The following PDPN variants were observed in gnomAD, a reference collection of about 807,000 sequenced individuals.
The protein encoded by PDPN is podoplanin.
In PDPN, 12 loss-of-function variants were observed where a neutral mutation model predicts 23.2. The observed-to-expected ratio is 0.52, with a 90% CI of 0.33 to 0.84. The LOEUF is 0.84. Ranked by LOEUF, PDPN falls within the 40% of genes least tolerant of loss-of-function variation. PDPN has a pLI of 0.02. For missense variants in PDPN, 199 were observed against 212.2 expected, an observed-to-expected ratio of 0.94 and a Z score of 0.39; for synonymous variants, 77 against 76.7, an observed-to-expected ratio of 1.00 and a Z score of -0.02.
At position 13,606,171 on chromosome 1, in the gene PDPN, G is replaced by A. The variant is rs1441503119; in HGVS notation, c.68-1002G>A. ...CACCAGGCTAATTTTTGTATTTTTA[G>A]TAGAGACAGAGTTTCACCGTGTTGG... On this transcript the variant is annotated intron_variant, in intron 1 of 5. Transcript: ENST00000621990. Among the ~76,000 whole-genome samples, 3 of 152,066 alleles carry A rather than the reference G, an allele frequency of 2.0e-5. No individual in the cohort carries two copies. The East Asian group carries it at 5.8e-4, about 29-fold the overall frequency.
intron 1 of PDPN, among the ~76,000 whole-genome samples, chr1:13,598,643 C>T (rs915833966): frequency 6.6e-6 from 1 of 152,052 alleles, no homozygotes; most frequent in African/African-American, 2.4e-5. Flanking sequence ...TTCTACCGAA[C>T]CACCGCTCCA....
At chr1:13,603,244 G>A (rs542600400) in intron 1 of PDPN, among the ~76,000 whole-genome samples, 12 of 152,118 alleles carry the variant, frequency 7.9e-5, no homozygotes, top group South Asian at 2.1e-4. Context: ...TTAGCTGGGC[G>A]TGGTGGTGCA....
intron 1 of PDPN, among the ~76,000 whole-genome samples, chr1:13,591,033 C>T (rs979103097): frequency 6.6e-6 from 1 of 151,966 alleles, no homozygotes; most frequent in Admixed American, 6.6e-5. Flanking sequence ...CCTCTGCCTC[C>T]CGGGTTCAAG....
At chr1:13,584,502 C>T (rs897940916) in intron 1 of PDPN, among the ~76,000 whole-genome samples, 3 of 152,222 alleles carry the variant, frequency 2.0e-5, no homozygotes, top group Non-Finnish European at 4.4e-5. Context: ...AAGCTGGCCT[C>T]GTAGAATCAG....
intron 1 of PDPN, among the ~76,000 whole-genome samples, chr1:13,606,541 A>G (rs559416370): frequency 6.6e-6 from 1 of 152,032 alleles, no homozygotes; most frequent in South Asian, 2.1e-4. Context: ...GGTGGTGAGC[A>G]CTTGTAGTCC....
chr1:13,614,887 G>A, intron 5 of PDPN: 3 of 499,920 alleles, frequency 6.0e-6, no homozygotes, highest in Non-Finnish European at 1.2e-5. Context: ...TCCAAAATAA[G>A]AGAGTCAGAG....
intron 3 of PDPN, among the ~76,000 whole-genome samples, chr1:13,610,792 T>C (rs755790910): frequency 1.3e-5 from 2 of 152,124 alleles, no homozygotes; most frequent in Non-Finnish European, 2.9e-5. Context: ...GGACTCCAAG[T>C]GGATAGAATG....
rs2100299757 is a variant in PDPN, at chr1:13,617,730, A to T, written c.*1819A>T. On this transcript the variant is annotated 3_prime_UTR_variant, in exon 6 of 6. Transcript: ENST00000621990. Reference sequence around the variant, plus strand: ...GAAGGGGAATGAGAAGAGCTGGATGAGTTTAAATAACTCATTGTTCAGATT... The same window carrying T: ...GAAGGGGAATGAGAAGAGCTGGATGTGTTTAAATAACTCATTGTTCAGATT... 2.1e-4 allele frequency: 1 copy of T among 4,848 alleles called. No homozygotes were observed. The highest frequency in any genetic ancestry group is 0.018 in the South Asian group (1 of 56). 0.3% of individuals were successfully genotyped at this position (4,848 alleles called of 1,614,324 possible).
intron 1 of PDPN, among the ~76,000 whole-genome samples, chr1:13,584,776 T>A (rs759029357): frequency 1.3e-5 from 2 of 152,118 alleles, no homozygotes; most frequent in Non-Finnish European, 2.9e-5. Context: ...TTGAGCCACG[T>A]GTTCATCTTG....
At chr1:13,600,417 G>C (rs1008057075) in intron 1 of PDPN, among the ~76,000 whole-genome samples, 4 of 151,466 alleles carry the variant, frequency 2.6e-5, no homozygotes, top group East Asian at 1.9e-4. Context: ...ACCCAGGCTG[G>C]AGTGCAATGG....
chr1:13,603,137 C>G (rs1489384505), intron 1 of PDPN, among the ~76,000 whole-genome samples: 4 of 152,162 alleles, frequency 2.6e-5, no homozygotes, highest in Admixed American at 2.0e-4. Flanking sequence ...GAAATGCCCA[C>G]TTTGGGAGGC....
chr1:13,614,269 G>T (rs765438399), intron 4 of PDPN, 31 bp from the exon 5 acceptor site: 1 of 1,169,522 alleles, frequency 8.6e-7, no homozygotes, highest in South Asian at 1.3e-5. Flanking sequence ...TTTCCTCTGG[G>T]GCTCATGCTT....
At chr1:13,606,009 CT>C (rs1293075318) in intron 1 of PDPN, among the ~76,000 whole-genome samples, 7 of 148,318 alleles carry the variant, frequency 4.7e-5, no homozygotes, top group Non-Finnish European at 7.5e-5. Context: ...TAGTTTGGCT[CT>C]TTTTTTTTTG....
At chr1:13,593,035 T>C (rs1169676657) in intron 1 of PDPN, among the ~76,000 whole-genome samples, 1 of 152,224 alleles carries the variant, frequency 6.6e-6, no homozygotes, top group Non-Finnish European at 1.5e-5. Flanking sequence ...TACTTTGTTT[T>C]TACCAAGATT....
chr1:13,613,642 A>G, intron 3 of PDPN, 45 bp from the exon 4 acceptor site: 1 of 953,590 alleles, frequency 1.0e-6, no homozygotes, highest in Non-Finnish European at 1.7e-6. Flanking sequence ...AATTATAGTT[A>G]TTAAACCCTA....
chr1:13,613,735 AT>A lies in PDPN; in HGVS notation c.370+14del. 6 of 1,479,318 alleles carry A rather than the reference AT, an allele frequency of 4.1e-6. No individual in the cohort carries two copies. Among genetic ancestry groups the A allele is most frequent in the Non-Finnish European group, 4.7e-6 (5 of 1,058,276 alleles). 91.6% of individuals were successfully genotyped at this position (1,479,318 alleles called of 1,614,324 possible). A position where few individuals can be genotyped will look rare whatever the true frequency, so the allele number is the denominator to read the frequency against. On this transcript the variant is annotated intron_variant, in intron 4 of 5. Transcript: ENST00000621990. ...ACAACAGTTGAGAAAGGTAGGCTAGATTTTGGCATCAAAATACTCTTACTGG... is the reference window on the plus strand; with the variant it reads ...ACAACAGTTGAGAAAGGTAGGCTAGATTTGGCATCAAAATACTCTTACTGG...
At chr1:13,598,321 T>A (rs1640550975) in intron 1 of PDPN, among the ~76,000 whole-genome samples, 2 of 152,100 alleles carry the variant, frequency 1.3e-5, no homozygotes, top group African/African-American at 4.8e-5. Flanking sequence ...CTGTCCCGCA[T>A]TTATTTCTGA....
At chr1:13,592,410 C>T (rs200449562) in intron 1 of PDPN, among the ~76,000 whole-genome samples, 1 of 134,174 alleles carries the variant, frequency 7.5e-6, no homozygotes, top group Non-Finnish European at 1.7e-5. Flanking sequence ...TTTACTCTTA[C>T]AGTTTTAGCT....
chr1:13,607,222 C>G lies in PDPN; in HGVS notation c.117C>G (p.Gly39=), dbSNP rs368225008. The change falls in exon 2 of 6, where the codon GGC becomes GGG. Residue 39 remains glycine, a synonymous_variant. Transcript: ENST00000621990. ...ACACTGAGACTACAGGTTTGGAAGGCGGCGTTGCCATGCCAGGTGCCGAAG... is the reference window on the plus strand; with the variant it reads ...ACACTGAGACTACAGGTTTGGAAGGGGGCGTTGCCATGCCAGGTGCCGAAG... ...EDDTETTGLE[G]GVAMPGAEDD... 1 of 1,613,850 alleles carries G rather than the reference C, an allele frequency of 6.2e-7. No homozygotes were observed. The highest frequency in any genetic ancestry group is 1.7e-5 in the Admixed American group (1 of 60,008).
Sources: allele counts gnomAD v4.1 joint callset (sites outside exome capture counted in the v4.1 genomes callset), GRCh38; gene constraint gnomAD v4.1.1; transcripts MANE v1.5; gene names NCBI Gene and HGNC (gene_info 2026-07-23, HGNC 2026-07-21).